Variants in DNAH14 observed in about 807,000 individuals in gnomAD.
DNAH14 encodes dynein axonemal heavy chain 14.
DNAH14 carries 478 observed loss-of-function variants against 520.9 expected under a neutral mutation model. The ratio of observed to expected loss-of-function variants is 0.92; its 90% CI spans 0.85 to 0.99. The LOEUF is 0.99. DNAH14 is among the 50% of genes least tolerant of loss of function. The probability of loss-of-function intolerance (pLI) is 0.00; values close to 1 mark genes in which losing one functional copy is unlikely to be tolerated. For missense variants in DNAH14, 4,831 were observed against 5,234.5 expected (o/e 0.92, Z 2.38); for synonymous variants, 1,581 against 1,757.2 (o/e 0.90, Z 2.51).
intron 8 of DNAH14, among the ~76,000 whole-genome samples, chr1:224,981,606 T>G (rs1039287500): frequency 4.6e-5 from 7 of 152,218 alleles, no homozygotes; most frequent in Non-Finnish European, 1.0e-4. Context: ...AATGATCTTT[T>G]GTATTTCAGT....
Position 225,240,770 on chromosome 1 carries a change from A to G in DNAH14, c.6696A>G (p.Thr2232=). 1.3e-6 allele frequency: 2 copies of G among 1,550,248 alleles called. No individual in the cohort carries two copies. Among genetic ancestry groups the G allele is most frequent in the East Asian group, 2.5e-5 (1 of 40,812 alleles). ...SLEPDSLAKV[T]YDFDKLVHEL... ...AACCTGATTCTCTTGCAAAAGTAACATACGATTTTGACAAACTTGTTCATG... is the reference window on the plus strand; with the variant it reads ...AACCTGATTCTCTTGCAAAAGTAACGTACGATTTTGACAAACTTGTTCATG... The change falls in exon 43 of 86, where the codon ACA becomes ACG. Residue 2232 remains threonine (T), a synonymous_variant. Transcript: ENST00000682510.
intron 22 of DNAH14, among the ~76,000 whole-genome samples, chr1:225,099,259 A>G (rs1558950636): frequency 1.3e-5 from 2 of 152,178 alleles, no homozygotes; most frequent in African/African-American, 4.8e-5. Flanking sequence ...AAATCTTGAC[A>G]TGTATTTCCC....
intron 11 of DNAH14, among the ~76,000 whole-genome samples, chr1:225,037,167 A>G (rs1368614094): frequency 6.6e-6 from 1 of 152,050 alleles, no homozygotes; most frequent in Non-Finnish European, 1.5e-5. Context: ...TTTTTCATTC[A>G]TTCTGCCACT....
At chr1:225,137,195 T>C (rs1023947905) in intron 27 of DNAH14, among the ~76,000 whole-genome samples, 1 of 152,196 alleles carries the variant, frequency 6.6e-6, no homozygotes, top group Non-Finnish European at 1.5e-5. Flanking sequence ...TTGAAATCAA[T>C]TGGAAGAGGA....
rs147882821 is a variant in DNAH14 at position 225,108,282 on chromosome 1, G to A, written c.3867+7398G>A. On this transcript the variant is annotated intron_variant, in intron 23 of 85. Coordinates refer to ENST00000682510, the MANE Select transcript of DNAH14 (RefSeq NM_001367479.1). Reference sequence around the variant, plus strand: ...TCAGGCCTTCAGCCACAGACTGAAGGCTGCATTGTTGGCTTCCCTACCTTT... The same window carrying A: ...TCAGGCCTTCAGCCACAGACTGAAGACTGCATTGTTGGCTTCCCTACCTTT... Among the ~76,000 whole-genome samples, 89 of 152,282 alleles carry A rather than the reference G, an allele frequency of 5.8e-4. 3 individuals are homozygous for A. The East Asian group carries it at 0.013, about 22-fold the overall frequency.
intron 41 of DNAH14, among the ~76,000 whole-genome samples, chr1:225,213,064 C>A (rs2088692909): frequency 6.6e-6 from 1 of 152,124 alleles, no homozygotes; most frequent in Non-Finnish European, 1.5e-5. Context: ...AGTCTTTGAT[C>A]CATCTTGAAT....
chr1:225,172,675 A>T (rs1385831441), intron 36 of DNAH14, among the ~76,000 whole-genome samples: 2 of 152,220 alleles, frequency 1.3e-5, no homozygotes, highest in African/African-American at 2.4e-5. Flanking sequence ...TATCGTGCAA[A>T]TGGCCATACT....
At chr1:225,009,286 G>T (rs564153764) in intron 10 of DNAH14, among the ~76,000 whole-genome samples, 27 of 152,266 alleles carry the variant, frequency 1.8e-4, no homozygotes, top group Non-Finnish European at 2.8e-4. Flanking sequence ...TTTGTATAAG[G>T]TGTAAGGAAG....
Position 224,964,388 on chromosome 1 carries a change from T to C in DNAH14, c.368-91T>C, listed in dbSNP as rs188653915. The C allele has an allele frequency of 8.0e-4, 1,048 of 1,313,740 alleles. 7 individuals are homozygous for C. The African/African-American group carries it at 0.014, about 17-fold the overall frequency. The allele number at this position is 1,313,740 out of a possible 1,614,324, so 81.4% of individuals were successfully genotyped here. A position where few individuals can be genotyped will look rare whatever the true frequency, so the allele number is the denominator to read the frequency against. On this transcript the variant is annotated intron_variant, in intron 4 of 85. Transcript: ENST00000682510. ...TACTTTGTTACCATTTAAATTTTTC[T>C]CTATATAGAAATATTTGTAATATTA...
At chr1:225,064,618 G>T (rs904624036) in intron 17 of DNAH14, among the ~76,000 whole-genome samples, 2 of 151,728 alleles carry the variant, frequency 1.3e-5, no homozygotes, top group Non-Finnish European at 2.9e-5. Flanking sequence ...GCAACAACTT[G>T]GATGAATATC....
At chr1:225,250,747 C>A in intron 43 of DNAH14, 1 of 499,228 alleles carries the variant, frequency 2.0e-6, no homozygotes, top group Non-Finnish European at 3.7e-6. Flanking sequence ...AAGGAATGGG[C>A]AAAGCAGTGT....
intron 23 of DNAH14, among the ~76,000 whole-genome samples, chr1:225,117,317 T>C (rs1199288552): frequency 6.6e-6 from 1 of 151,608 alleles, no homozygotes; most frequent in Non-Finnish European, 1.5e-5. Context: ...GGGAAAGCAA[T>C]GTTGATAATA....
chr1:225,259,322 C>A (rs74790793), intron 46 of DNAH14, 69 bp downstream of exon 46: 23 of 1,133,200 alleles, frequency 2.0e-5, no homozygotes, highest in South Asian at 6.5e-5. Flanking sequence ...TATAAATATG[C>A]CTGTTTTTAA....
intron 26 of DNAH14, among the ~76,000 whole-genome samples, chr1:225,120,670 T>A (rs78378295): frequency 0.053 from 8,023 of 152,310 alleles, 325 homozygotes; most frequent in Non-Finnish European, 0.078. Flanking sequence ...CATAATGTCC[T>A]AAGTTACAAT....
chr1:224,943,721 C>T (rs965283200), intron 1 of DNAH14, among the ~76,000 whole-genome samples: 7 of 152,096 alleles, frequency 4.6e-5, no homozygotes, highest in Admixed American at 3.9e-4. Context: ...TTTCAAAGAA[C>T]ATCTTTATTT....
At chr1:225,173,752 A>C (rs556792624) in intron 36 of DNAH14, among the ~76,000 whole-genome samples, 1 of 152,206 alleles carries the variant, frequency 6.6e-6, no homozygotes, top group Admixed American at 6.5e-5. Context: ...CAGCCATCCC[A>C]TTACTGGGTA....
At chr1:225,089,847 A>G (rs1010184737) in intron 21 of DNAH14, among the ~76,000 whole-genome samples, 1 of 152,202 alleles carries the variant, frequency 6.6e-6, no homozygotes, top group Non-Finnish European at 1.5e-5. Context: ...ACATCTATGA[A>G]AAACATTTTG....
chr1:225,340,725 G>A (rs778041569), intron 69 of DNAH14, 24 bp downstream of exon 69: 3 of 1,540,682 alleles, frequency 1.9e-6, no homozygotes, highest in Non-Finnish European at 2.6e-6. Flanking sequence ...TTTAGTGATA[G>A]TAAGAGATCT....
Position 225,240,685 on chromosome 1 carries a change from G to A in DNAH14, c.6611G>A (p.Gly2204Glu). 5 of 1,550,980 alleles carry A rather than the reference G, an allele frequency of 3.2e-6. No homozygotes were observed. Among genetic ancestry groups the A allele is most frequent in the Non-Finnish European group, 4.4e-6 (5 of 1,146,570 alleles). ...LFVFAFTWAF[G>E]GALNREDEHR... ...GTGTTTGCCTTTACTTGGGCATTTG[G>A]AGGAGCTTTAAACCGTGAAGATGAA... The change falls in exon 43 of 86, where the codon GGA becomes GAA. Residue 2204 changes from glycine to glutamate, a missense_variant. By Grantham distance (98) the Gly-to-Glu change is moderately conservative (BLOSUM62 -2). Transcript: ENST00000682510.
Sources: allele counts gnomAD v4.1 joint callset (sites outside exome capture counted in the v4.1 genomes callset), GRCh38; gene constraint gnomAD v4.1.1; transcripts MANE v1.5; gene names NCBI Gene and HGNC (gene_info 2026-07-23, HGNC 2026-07-21).